The following SEMA4D variants were observed in gnomAD, a reference collection of about 807,000 sequenced individuals.
SEMA4D encodes semaphorin 4D.
SEMA4D carries 22 observed loss-of-function variants against 74.8 expected under a neutral mutation model. The observed-to-expected ratio is 0.29, with a 90% CI of 0.21 to 0.42. The LOEUF (loss-of-function observed/expected upper bound fraction) is 0.42, where lower values mean the gene tolerates loss of function less well. SEMA4D is among the 10% of genes least tolerant of loss of function. The pLI is 1.00. For missense variants in SEMA4D, 937 were observed against 1,118.4 expected (o/e 0.84, Z 2.31); for synonymous variants, 445 against 463.7 (o/e 0.96, Z 0.52).
rs774741646 is a variant in SEMA4D at position 89,450,426 on chromosome 9, T to C, written c.-244+5462A>G. Reference sequence around the variant, plus strand: ...AGCATGTGAAGATGAGAAGAAGGCTTGGATGGGTGTGGTGGAGTGCGCCAA... The same window carrying C: ...AGCATGTGAAGATGAGAAGAAGGCTCGGATGGGTGTGGTGGAGTGCGCCAA... On this transcript the variant is annotated intron_variant, in intron 2 of 15. Coordinates refer to ENST00000422704, the MANE Select transcript of SEMA4D (RefSeq NM_001371194.2). 7.8e-5 allele frequency: 105 copies of C among 1,354,198 alleles called. No individual in the cohort carries two copies. In the Middle Eastern group the frequency reaches 1.2e-3, roughly 15 times the overall value. 83.9% of individuals were successfully genotyped at this position (1,354,198 alleles called of 1,614,324 possible). A position where few individuals can be genotyped will look rare whatever the true frequency, so the allele number is the denominator to read the frequency against.
In SEMA4D at chr9:89,379,220, G is replaced by A. The variant is rs760629562; in HGVS notation, c.2073C>T (p.Ser691=). The A allele has an allele frequency of 6.2e-7, 1 of 1,614,084 alleles. No individual in the cohort carries two copies. Among genetic ancestry groups the A allele is most frequent in the Non-Finnish European group, 8.5e-7 (1 of 1,179,952 alleles). The change falls in exon 16 of 16, where the codon TCC becomes TCT. Residue 691 remains serine, a synonymous_variant. Coordinates refer to ENST00000422704, the MANE Select transcript of SEMA4D (RefSeq NM_001371194.2). ...SPPTPAVQAT[S]SGAITLPPKP... is the part of the protein sequence containing the mutation. ...TGGGAGGAAGGGTGATGGCCCCGGA[G>A]GAGGTGGCCTGCACGGCTGGGGTTG... is the stretch of plus-strand genomic sequence containing the variant.
chr9:89,450,943 G>A (rs1255943995), intron 2 of SEMA4D, among the ~76,000 whole-genome samples: 1 of 152,080 alleles, frequency 6.6e-6, no homozygotes, highest in African/African-American at 2.4e-5. Flanking sequence ...GGTCTTGGGA[G>A]GCGAGGCTTC....
intron 1 of SEMA4D, among the ~76,000 whole-genome samples, chr9:89,495,918 T>C (rs999402910): frequency 6.6e-6 from 1 of 152,152 alleles, no homozygotes; most frequent in Non-Finnish European, 1.5e-5. Flanking sequence ...TTGATTTTGC[T>C]GTTGTGCTGT....
chr9:89,489,438 A>G (rs144814834), intron 1 of SEMA4D, among the ~76,000 whole-genome samples: 29 of 152,284 alleles, frequency 1.9e-4, no homozygotes, highest in Admixed American at 7.2e-4. Context: ...TTATGTAACC[A>G]TCACCCCTAT....
rs1339874251 is a variant in SEMA4D at position 89,484,014 on chromosome 9, C to T, written c.-310+13905G>A. Among the ~76,000 whole-genome samples, 1 of 152,236 alleles carries T rather than the reference C, an allele frequency of 6.6e-6. No individual in the cohort carries two copies. The highest frequency in any genetic ancestry group is 1.9e-4 in the East Asian group (1 of 5,202). ...TCATCTCATTTAATAATCCTACAGT[C>T]CCCCAACAACCACTGAGGGACAACC... On this transcript the variant is annotated intron_variant, in intron 1 of 15. Transcript: ENST00000422704. This position sits in a 1 kb window ranked among gnomAD's most constrained non-coding sequence, Gnocchi z 4.1.
chr9:89,490,139 A>C (rs1432803725), intron 1 of SEMA4D, among the ~76,000 whole-genome samples: 1 of 151,008 alleles, frequency 6.6e-6, no homozygotes, highest in Non-Finnish European at 1.5e-5. Flanking sequence ...TCGCATGTTT[A>C]TTGGCCGTTT....
chr9:89,413,700 T>C (rs187119691), intron 2 of SEMA4D, among the ~76,000 whole-genome samples: 16 of 152,392 alleles, frequency 1.0e-4, no homozygotes, highest in African/African-American at 3.6e-4. Context: ...TACATATGTG[T>C]ATGCATGGGC....
intron 2 of SEMA4D, among the ~76,000 whole-genome samples, chr9:89,454,833 C>T (rs1855544925): frequency 6.6e-6 from 1 of 152,244 alleles, no homozygotes; most frequent in Admixed American, 6.5e-5. Flanking sequence ...CACTCCCAGC[C>T]CCCAGCTGAC....
In SEMA4D at chr9:89,378,434, T is replaced by C. The variant is rs1302690370; in HGVS notation, c.*270A>G. On this transcript the variant is annotated 3_prime_UTR_variant, in exon 16 of 16. Coordinates refer to ENST00000422704, the MANE Select transcript of SEMA4D (RefSeq NM_001371194.2). ...CTACAGAAAGGGCTCAGGAACTCCGTGCCGCCCGTGGGCCTTCTTCAAGTA... is the reference window on the plus strand; with the variant it reads ...CTACAGAAAGGGCTCAGGAACTCCGCGCCGCCCGTGGGCCTTCTTCAAGTA... 1 of 409,364 alleles carries C rather than the reference T, an allele frequency of 2.4e-6. No individual in the cohort carries two copies. The highest frequency in any genetic ancestry group is 4.4e-5 in the East Asian group (1 of 22,474). The allele number at this position is 409,364 out of a possible 1,614,324, so 25.4% of individuals were successfully genotyped here. A position where few individuals can be genotyped will look rare whatever the true frequency, so the allele number is the denominator to read the frequency against.
chr9:89,391,075 A>G (rs923694309), intron 9 of SEMA4D, among the ~76,000 whole-genome samples, 189 bp downstream of exon 9: 2 of 152,246 alleles, frequency 1.3e-5, no homozygotes, highest in African/African-American at 4.8e-5. Flanking sequence ...TGGGTCACAC[A>G]TGGGGGCCAG....
chr9:89,384,736 T>C (rs1203920662), intron 13 of SEMA4D: 1 of 985,254 alleles, frequency 1.0e-6, no homozygotes, highest in African/African-American at 1.7e-5. Flanking sequence ...TCCCCAGCTG[T>C]AGGACAGGGG....
intron 1 of SEMA4D, among the ~76,000 whole-genome samples, chr9:89,483,161 CAG>C (rs1162082254): frequency 6.6e-6 from 1 of 152,242 alleles, no homozygotes; most frequent in Non-Finnish European, 1.5e-5. Flanking sequence ...GATCCCTGCA[CAG>C]AGAGACCTCA....
At chr9:89,371,964 G>T (rs967703060) in intron 16 of SEMA4D, among the ~76,000 whole-genome samples, 1 of 131,334 alleles carries the variant, frequency 7.6e-6, no homozygotes, top group Non-Finnish European at 1.6e-5. Context: ...TGTGGTGTGT[G>T]TGGGGTGTGG....
chr9:89,395,259 C>A (rs926917619), intron 6 of SEMA4D, among the ~76,000 whole-genome samples: 3 of 152,090 alleles, frequency 2.0e-5, no homozygotes, highest in African/African-American at 7.2e-5. Context: ...AACCCCATCT[C>A]TACTAAAAAT....
chr9:89,407,651 A>G (rs1445836088), intron 2 of SEMA4D, among the ~76,000 whole-genome samples: 1 of 152,130 alleles, frequency 6.6e-6, no homozygotes, highest in Non-Finnish European at 1.5e-5. Flanking sequence ...ACACCTTCTC[A>G]TCACTCAGAA....
chr9:89,414,342 G>A, intron 2 of SEMA4D, among the ~76,000 whole-genome samples: 1 of 152,204 alleles, frequency 6.6e-6, no homozygotes, highest in Non-Finnish European at 1.5e-5. Flanking sequence ...TCTTATCTCA[G>A]GGGTTTGCCC....
At chr9:89,371,298 GTGTC>G (rs1024165111) in intron 16 of SEMA4D, among the ~76,000 whole-genome samples, 1 of 137,752 alleles carries the variant, frequency 7.3e-6, no homozygotes, top group East Asian at 2.3e-4. Context: ...GACGGTGTGT[GTGTC>G]TGGGGTGTGG....
rs116527249 is a variant in SEMA4D at position 89,437,615 on chromosome 9, T to G, written c.-244+18273A>C. 2.7e-3 allele frequency among the ~76,000 whole-genome samples: 414 copies of G among 152,232 alleles called. 1 individual carries two copies. Among genetic ancestry groups the G allele is most frequent in the African/African-American group, 9.2e-3 (384 of 41,530 alleles). On this transcript the variant is annotated intron_variant, in intron 2 of 15. Transcript: ENST00000422704. ...GCTCAGTGACACGGGCACCTGCCCA[T>G]GTGTGCCAGCGGCAAGGGGCACAGG... is the stretch of plus-strand genomic sequence containing the variant.
intron 2 of SEMA4D, among the ~76,000 whole-genome samples, chr9:89,433,122 G>A (rs1394509161): frequency 2.6e-5 from 4 of 152,230 alleles, no homozygotes; most frequent in African/African-American, 9.6e-5. Context: ...CTGGGCACAG[G>A]GCAAAAGCCA....
Sources: allele counts gnomAD v4.1 joint callset (sites outside exome capture counted in the v4.1 genomes callset), GRCh38; gene constraint gnomAD v4.1.1; non-coding constraint Gnocchi (gnomAD v3.1); transcripts MANE v1.5; gene names NCBI Gene and HGNC (gene_info 2026-07-23, HGNC 2026-07-21).